The following HPSE2 variants were observed in gnomAD, a reference collection of about 807,000 sequenced individuals.
The protein encoded by HPSE2 is inactive heparanase-2.
Under a neutral mutation model 60.5 loss-of-function variants are expected in HPSE2, and 38 were observed. That is an observed-to-expected ratio of 0.63 (90% confidence interval 0.48 to 0.82). The LOEUF is 0.82. Among genes scored for constraint, HPSE2 ranks in the 40% least tolerant of loss-of-function variants. HPSE2 has a pLI of 0.00. For missense variants in HPSE2, 713 were observed against 740.4 expected (o/e 0.96, Z 0.43); for synonymous variants, 295 against 293.2 (o/e 1.01, Z -0.06).
intron 3 of HPSE2, among the ~76,000 whole-genome samples, chr10:98,905,054 GAGAC>G: frequency 6.6e-6 from 1 of 152,200 alleles, no homozygotes; most frequent in Non-Finnish European, 1.5e-5. Context: ...GGCATAATAA[GAGAC>G]AGGAGGAAAA....
chr10:99,012,186 C>T (rs181395138), intron 3 of HPSE2, among the ~76,000 whole-genome samples: 2 of 151,990 alleles, frequency 1.3e-5, no homozygotes, highest in East Asian at 3.9e-4. Context: ...GCAGATAATT[C>T]ATTTGATAAT....
chr10:99,297,115 G>A, the HPSE2 span, among the ~76,000 whole-genome samples: 1 of 152,176 alleles, frequency 6.6e-6, no homozygotes, highest in African/African-American at 2.4e-5. Flanking sequence ...CTCGTGTAGG[G>A]CCTGCTTCTC....
intron 3 of HPSE2, among the ~76,000 whole-genome samples, chr10:98,866,529 G>A (rs1424471274): frequency 6.6e-6 from 1 of 151,950 alleles, no homozygotes; most frequent in Non-Finnish European, 1.5e-5. Context: ...AGCATCCTAA[G>A]CATAAGAAAC....
intron 6 of HPSE2, among the ~76,000 whole-genome samples, chr10:98,673,317 T>A (rs542976270): frequency 6.6e-6 from 1 of 152,288 alleles, no homozygotes; most frequent in African/African-American, 2.4e-5. Context: ...CCAGTCTGTT[T>A]TCCCAGCATC....
Position 98,709,784 on chromosome 10 carries a change from T to A in HPSE2, c.956+11873A>T, listed in dbSNP as rs142265407. ...TTGTTGAGCCTTCTCTCCCAGGGCA[T>A]ATCACAGCTCTCTATTATAATAAGG... On this transcript the variant is annotated intron_variant, in intron 5 of 11. Transcript: ENST00000370552. Among the ~76,000 whole-genome samples, 209 of 152,358 alleles carry A rather than the reference T, an allele frequency of 1.4e-3. 2 individuals carry two copies. The highest frequency in any genetic ancestry group is 4.8e-3 in the African/African-American group (199 of 41,592).
At chr10:99,015,152 A>C (rs10883248) in intron 3 of HPSE2, among the ~76,000 whole-genome samples, 107,676 of 143,890 alleles carry the variant, frequency 0.75, 40,372 homozygotes, top group East Asian at 0.84. Context: ...GGCAATCATT[A>C]AAAAGTCAGG....
chr10:98,532,921 T>A (rs1246124112), intron 9 of HPSE2, among the ~76,000 whole-genome samples: 2 of 152,182 alleles, frequency 1.3e-5, no homozygotes, highest in Non-Finnish European at 2.9e-5. Flanking sequence ...CTGACCTGAT[T>A]CTTTCTCTTT....
At chr10:98,871,161 T>C (rs1407806268) in intron 3 of HPSE2, among the ~76,000 whole-genome samples, 1 of 152,048 alleles carries the variant, frequency 6.6e-6, no homozygotes, top group African/African-American at 2.4e-5. Flanking sequence ...TATTCCTTTA[T>C]GGCAATGCAG....
intron 9 of HPSE2, among the ~76,000 whole-genome samples, chr10:98,570,355 T>C (rs1424326440): frequency 1.3e-5 from 2 of 152,112 alleles, no homozygotes; most frequent in Non-Finnish European, 2.9e-5. Flanking sequence ...CTGTACCCAG[T>C]AGGTACTCAA....
chr10:98,605,405 C>G (rs1021248218), intron 9 of HPSE2, among the ~76,000 whole-genome samples: 1 of 152,102 alleles, frequency 6.6e-6, no homozygotes, highest in Non-Finnish European at 1.5e-5. Context: ...TAAAACAGTG[C>G]TTTGTTTTAG....
chr10:98,667,307 C>A (rs1454474489), intron 6 of HPSE2, among the ~76,000 whole-genome samples: 1 of 152,000 alleles, frequency 6.6e-6, no homozygotes, highest in African/African-American at 2.4e-5. Flanking sequence ...CTAAAAGGAG[C>A]CCTCACACAG....
chr10:98,498,269 T>G (rs927524771), intron 9 of HPSE2, among the ~76,000 whole-genome samples: 1 of 152,104 alleles, frequency 6.6e-6, no homozygotes, highest in African/African-American at 2.4e-5. Flanking sequence ...ACACCCTAAA[T>G]ACTGTGCTGG....
intron 3 of HPSE2, among the ~76,000 whole-genome samples, chr10:99,107,998 A>C (rs1412241388): frequency 6.6e-6 from 1 of 152,200 alleles, no homozygotes; most frequent in Non-Finnish European, 1.5e-5. Flanking sequence ...TTGCTTTTTC[A>C]ATTAGGATAT....
At chr10:98,591,545 C>T (rs1945091300) in intron 9 of HPSE2, among the ~76,000 whole-genome samples, 1 of 152,046 alleles carries the variant, frequency 6.6e-6, no homozygotes, top group Admixed American at 6.6e-5. Context: ...CGCCCATAAT[C>T]CCAGCTACTT....
chr10:98,554,992 T>G (rs1277226231), intron 9 of HPSE2, among the ~76,000 whole-genome samples: 2 of 152,252 alleles, frequency 1.3e-5, no homozygotes, highest in Admixed American at 1.3e-4. Flanking sequence ...AATTGTGGTT[T>G]CATTGCAGCA....
At chr10:99,034,665 TAAC>T (rs1957571472) in intron 3 of HPSE2, among the ~76,000 whole-genome samples, 2 of 152,216 alleles carry the variant, frequency 1.3e-5, no homozygotes, top group African/African-American at 4.8e-5. Context: ...ATGCATCACT[TAAC>T]AAAGGGATAT....
At position 99,144,409 on chromosome 10, in the gene HPSE2, G is replaced by C. The variant is rs1227196556; in HGVS notation, c.449-10C>G. Reference sequence around the variant, plus strand: ...TCACTTCGAACAATGTCTACAAAAAGAAAGAAAGAAGGCAGGCAGCAAAAA... The same window carrying C: ...TCACTTCGAACAATGTCTACAAAAACAAAGAAAGAAGGCAGGCAGCAAAAA... On this transcript the variant is annotated splice_polypyrimidine_tract_variant and intron_variant, in intron 2 of 11. Transcript: ENST00000370552. The C allele has an allele frequency of 2.5e-6, 4 of 1,611,486 alleles. No homozygotes were observed. Among genetic ancestry groups the C allele is most frequent in the Non-Finnish European group, 3.4e-6 (4 of 1,179,438 alleles).
In HPSE2 at chr10:98,475,640, G is replaced by A. The variant is rs568627318; in HGVS notation, c.1613+6996C>T. The stretch of plus-strand genomic sequence containing the variant: ...TTGAAGGTGCCTGTGTATATGGGGC[G>A]GGAATATAACCTATTGATATAGATT... On this transcript the variant is annotated intron_variant, in intron 11 of 11. Transcript: ENST00000370552. 9.2e-5 allele frequency among the ~76,000 whole-genome samples: 14 copies of A among 152,166 alleles called. No individual in the cohort carries two copies. The South Asian group carries it at 2.3e-3, about 25-fold the overall frequency.
intron 3 of HPSE2, among the ~76,000 whole-genome samples, chr10:98,924,097 T>C (rs1176174294): frequency 6.6e-6 from 1 of 152,204 alleles, no homozygotes; most frequent in Non-Finnish European, 1.5e-5. Context: ...AGCCCAATAA[T>C]ACGGTGGGTT....
Sources: gnomAD v4.1 joint callset for allele counts (sites outside exome capture counted in the v4.1 genomes callset) on GRCh38, gnomAD v4.1.1 for gene constraint, MANE v1.5 for transcripts, NCBI Gene and HGNC (gene_info 2026-07-23, HGNC 2026-07-21) for gene names.